The following CPNE4 variants were observed in gnomAD, a reference collection of about 807,000 sequenced individuals.
CPNE4 encodes the protein copine 4, also known as copine-4.
Under a neutral mutation model 67.9 loss-of-function variants are expected in CPNE4, and 25 were observed. The ratio of observed to expected loss-of-function variants is 0.37; its 90% CI spans 0.27 to 0.51. The LOEUF is 0.51. CPNE4 is among the 20% of genes least tolerant of loss of function. The pLI is 0.93. For missense variants in CPNE4, 464 were observed against 690.8 expected, an observed-to-expected ratio of 0.67 and a Z score of 3.68; for synonymous variants, 242 against 244.9, an observed-to-expected ratio of 0.99 and a Z score of 0.11.
chr3:131,895,134 T>C (rs546683305), intron 2 of CPNE4, among the ~76,000 whole-genome samples: 1 of 152,036 alleles, frequency 6.6e-6, no homozygotes, highest in Non-Finnish European at 1.5e-5. Context: ...CTAATCTTAC[T>C]TATATGTAGA....
intron 1 of CPNE4, among the ~76,000 whole-genome samples, chr3:132,013,052 A>G (rs1001503435): frequency 5.3e-5 from 8 of 151,992 alleles, no homozygotes; most frequent in African/African-American, 1.9e-4. Flanking sequence ...GTGAAACCCC[A>G]TCTCTACTAA....
At chr3:131,696,339 G>A (rs1309168619) in intron 5 of CPNE4, among the ~76,000 whole-genome samples, 2 of 152,116 alleles carry the variant, frequency 1.3e-5, no homozygotes, top group Non-Finnish European at 2.9e-5. Flanking sequence ...TCATAGAATT[G>A]TCTTGTTTTA....
At chr3:131,615,331 T>C (rs1940073562) in intron 7 of CPNE4, among the ~76,000 whole-genome samples, 1 of 152,214 alleles carries the variant, frequency 6.6e-6, no homozygotes, top group Non-Finnish European at 1.5e-5. Flanking sequence ...TCATGGAATG[T>C]ATCTAAAGCA....
intron 7 of CPNE4, among the ~76,000 whole-genome samples, chr3:131,628,386 A>G (rs2079131259): frequency 6.6e-6 from 1 of 152,196 alleles, no homozygotes; most frequent in Non-Finnish European, 1.5e-5. Flanking sequence ...GAGGGAAGCA[A>G]AAGCAGAAAC....
intron 2 of CPNE4, among the ~76,000 whole-genome samples, chr3:131,736,726 G>T (rs1004304756): frequency 6.6e-6 from 1 of 151,930 alleles, no homozygotes; most frequent in African/African-American, 2.4e-5. Flanking sequence ...AACCATGGCT[G>T]TCTGGGCCTT....
upstream of CPNE4, among the ~76,000 whole-genome samples, chr3:132,039,249 G>A (rs1467044292): frequency 6.6e-6 from 1 of 152,138 alleles, no homozygotes; most frequent in Non-Finnish European, 1.5e-5. Flanking sequence ...GAATCAGCTG[G>A]GATGTACCTT....
chr3:131,854,666 C>A (rs1397653538), intron 2 of CPNE4, among the ~76,000 whole-genome samples: 1 of 151,762 alleles, frequency 6.6e-6, no homozygotes, highest in Non-Finnish European at 1.5e-5. Context: ...ATTCTATTAC[C>A]AAAATAAAAA....
intron 2 of CPNE4, among the ~76,000 whole-genome samples, chr3:131,843,788 C>T (rs2085887624): frequency 6.6e-6 from 1 of 152,188 alleles, no homozygotes; most frequent in African/African-American, 2.4e-5. Flanking sequence ...GTCTGGCACA[C>T]TCTAGGGGCC....
intron 3 of CPNE4, among the ~76,000 whole-genome samples, chr3:131,706,156 A>G (rs9289395): frequency 0.31 from 46,766 of 152,094 alleles, 7,373 homozygotes; most frequent in Middle Eastern, 0.33. Flanking sequence ...GAATGTTAGC[A>G]GTTCATAGGT....
intron 2 of CPNE4, among the ~76,000 whole-genome samples, chr3:131,885,368 AT>A: frequency 1.3e-5 from 2 of 149,138 alleles, no homozygotes; most frequent in Non-Finnish European, 3.0e-5. Flanking sequence ...ATTAAGATTT[AT>A]TTTAAGGTTA....
chr3:131,921,627 G>A (rs2070742019), intron 1 of CPNE4, among the ~76,000 whole-genome samples: 1 of 152,184 alleles, frequency 6.6e-6, no homozygotes, highest in Non-Finnish European at 1.5e-5. Flanking sequence ...GATAGGCAAG[G>A]TGTACTTTGG....
chr3:131,999,591 T>C (rs1222551364), intron 1 of CPNE4, among the ~76,000 whole-genome samples: 3 of 152,068 alleles, frequency 2.0e-5, no homozygotes, highest in Non-Finnish European at 4.4e-5. Context: ...GAGAAATGTA[T>C]TGATGTCTGC....
chr3:131,829,419 T>C (rs2085287276), intron 2 of CPNE4, among the ~76,000 whole-genome samples: 1 of 152,232 alleles, frequency 6.6e-6, no homozygotes, highest in Non-Finnish European at 1.5e-5. Context: ...TCACTAGTAA[T>C]GTCACAGCTC....
At chr3:131,675,816 G>C (rs2080546173) in intron 6 of CPNE4, among the ~76,000 whole-genome samples, 1 of 151,526 alleles carries the variant, frequency 6.6e-6, no homozygotes, top group South Asian at 2.1e-4. Context: ...ATTATCGATA[G>C]GTAAGGGGTT....
intron 1 of CPNE4, among the ~76,000 whole-genome samples, chr3:132,005,376 T>A (rs1407846180): frequency 1.4e-5 from 2 of 141,690 alleles, no homozygotes; most frequent in African/African-American, 2.6e-5. Flanking sequence ...CACACACATA[T>A]ATGTTTATAT....
At chr3:131,832,996 A>C (rs938684494) in intron 2 of CPNE4, among the ~76,000 whole-genome samples, 5 of 152,128 alleles carry the variant, frequency 3.3e-5, no homozygotes, top group Admixed American at 3.3e-4. Context: ...TTGGTAGGTG[A>C]TTTATGAGAG....
At chr3:131,629,730 C>T (rs1360259818) in intron 7 of CPNE4, among the ~76,000 whole-genome samples, 7 of 152,144 alleles carry the variant, frequency 4.6e-5, no homozygotes, top group Admixed American at 4.6e-4. Context: ...CAGGTGGGAG[C>T]CACTGTGCCT....
intron 1 of CPNE4, among the ~76,000 whole-genome samples, chr3:131,934,527 T>C (rs191131374): frequency 6.6e-6 from 1 of 152,308 alleles, no homozygotes; most frequent in Admixed American, 6.5e-5. Flanking sequence ...ACCCATCATC[T>C]ACATTAGGTA....
At chr3:131,736,517 G>A (rs1003202571) in intron 2 of CPNE4, among the ~76,000 whole-genome samples, 1 of 151,464 alleles carries the variant, frequency 6.6e-6, no homozygotes, top group Non-Finnish European at 1.5e-5. Context: ...CTACTCGGGA[G>A]GCTGAGGCAG....
Sources: allele counts gnomAD v4.1 joint callset (sites outside exome capture counted in the v4.1 genomes callset), GRCh38; gene constraint gnomAD v4.1.1; transcripts MANE v1.5; gene names NCBI Gene and HGNC (gene_info 2026-07-23, HGNC 2026-07-21).